Variants in KATNIP observed in about 807,000 individuals in gnomAD.
KATNIP encodes katanin interacting protein.
A neutral mutation model predicts 174.0 loss-of-function variants in KATNIP; 126 were observed. That is an observed-to-expected ratio of 0.72 (90% CI 0.63 to 0.84). KATNIP has a LOEUF of 0.84. Among genes scored for constraint, KATNIP ranks in the 40% least tolerant of loss-of-function variants. The pLI is 0.00. For synonymous variants in KATNIP, 810 were observed against 835.7 expected (o/e 0.97, Z 0.53); for missense variants, 1,958 against 2,109.7 (o/e 0.93, Z 1.41).
In KATNIP at chr16:27,708,796, G is replaced by T. The variant is rs1180959034; in HGVS notation, c.1481G>T (p.Gly494Val). ...AACTGGGGCAACTCGTGGTGGGTGG[G>T]TCTCACAGAAGTCGAGTTCTTTGAC... is the stretch of plus-strand genomic sequence containing the variant. ...LSNWGNSWWV[G>V]LTEVEFFDLN... is the part of the protein sequence containing the mutation. The change falls in exon 13 of 28, where the codon GGT becomes GTT. Residue 494 changes from glycine (G) to valine (V), a missense_variant. Gly to Val is a moderately radical substitution (Grantham distance 109, BLOSUM62 -3). Around this residue, in one of 3 missense-constraint regions of KATNIP, gnomAD observed 1,557 missense variants for 1,617.8 expected, o/e 0.96. Coordinates refer to ENST00000261588, the MANE Select transcript of KATNIP (RefSeq NM_015202.5). The T allele has an allele frequency of 6.2e-7, 1 of 1,613,972 alleles. No individual in the cohort carries two copies. Among genetic ancestry groups the T allele is most frequent in the South Asian group, 1.1e-5 (1 of 91,084 alleles).
chr16:27,648,055 G>A (rs2077009466), intron 5 of KATNIP, among the ~76,000 whole-genome samples: 1 of 152,144 alleles, frequency 6.6e-6, no homozygotes, highest in African/African-American at 2.4e-5. Context: ...AGCACTTGGG[G>A]AGGACGAGGT....
intron 2 of KATNIP, among the ~76,000 whole-genome samples, chr16:27,588,220 T>A (rs931151297): frequency 3.3e-5 from 5 of 152,008 alleles, no homozygotes; most frequent in African/African-American, 1.2e-4. Flanking sequence ...CTACATATAT[T>A]TCAGAAATAG....
chr16:27,631,112 C>T lies in KATNIP; in HGVS notation c.358C>T (p.Arg120Cys), dbSNP rs764586233. Residue 120 changes from arginine to cysteine, a missense_variant, in exon 5 of 28, where the codon CGC becomes TGC. Transcript: ENST00000261588. ...LFREAEEALR[R>C]SSRTAPSKVQ... ...TCGAGAAGCTGAAGAAGCCTTAAGA[C>T]GCAGTTCACGGACAGCCCCCAGTAA... The T allele has an allele frequency of 1.0e-5, 16 of 1,578,202 alleles. No homozygotes were observed. The highest frequency in any genetic ancestry group is 1.3e-5 in the African/African-American group (1 of 74,268).
intron 1 of KATNIP, among the ~76,000 whole-genome samples, chr16:27,558,557 T>C (rs1315158961): frequency 6.6e-6 from 1 of 152,230 alleles, no homozygotes; most frequent in Non-Finnish European, 1.5e-5. Context: ...TGGGAGTCCT[T>C]AGAAGATAAT....
chr16:27,648,803 C>T (rs1435508126), intron 6 of KATNIP, 68 bp downstream of exon 6: 1 of 1,535,934 alleles, frequency 6.5e-7, no homozygotes, highest in Non-Finnish European at 8.9e-7. Flanking sequence ...TGCAGTGGCC[C>T]CTCGGGGCAC....
At chr16:27,758,570 C>G (rs984389645) in intron 18 of KATNIP, among the ~76,000 whole-genome samples, 1 of 152,182 alleles carries the variant, frequency 6.6e-6, no homozygotes, top group Non-Finnish European at 1.5e-5. Context: ...ATCCAGGCTT[C>G]TCGATATGAT....
intron 6 of KATNIP, among the ~76,000 whole-genome samples, chr16:27,665,632 A>C: frequency 1.4e-5 from 2 of 147,686 alleles, no homozygotes; most frequent in South Asian, 2.1e-4. Flanking sequence ...GAGACAGGAC[A>C]CTCTTTCCCC....
At chr16:27,743,059 T>C (rs1157645642) in intron 15 of KATNIP, among the ~76,000 whole-genome samples, 1 of 152,222 alleles carries the variant, frequency 6.6e-6, no homozygotes, top group African/African-American at 2.4e-5. Flanking sequence ...CTTCCCTGTA[T>C]TCATGTGTTC....
intron 13 of KATNIP, 132 bp from the exon 14 acceptor site, chr16:27,721,426 G>A: frequency 9.7e-7 from 1 of 1,026,554 alleles, no homozygotes; most frequent in Non-Finnish European, 1.5e-6. Flanking sequence ...TGGCAACGGG[G>A]TGGCCTGGCT....
chr16:27,561,682 A>G (rs1477360324), intron 1 of KATNIP, among the ~76,000 whole-genome samples: 1 of 152,196 alleles, frequency 6.6e-6, no homozygotes, highest in Non-Finnish European at 1.5e-5. Flanking sequence ...TGAACCTGCA[A>G]TGCAGTGTGT....
At chr16:27,566,678 A>G (rs935601010) in intron 1 of KATNIP, among the ~76,000 whole-genome samples, 1 of 152,118 alleles carries the variant, frequency 6.6e-6, no homozygotes, top group African/African-American at 2.4e-5. Flanking sequence ...CGTTGGACTA[A>G]TGGGTTGCTA....
At chr16:27,707,450 C>T (rs1006610079) in intron 12 of KATNIP, among the ~76,000 whole-genome samples, 5 of 152,178 alleles carry the variant, frequency 3.3e-5, no homozygotes, top group Non-Finnish European at 7.4e-5. Context: ...GAAACAGACA[C>T]TTACAGAGCG....
Position 27,677,940 on chromosome 16 carries a change from G to A in KATNIP, c.752G>A (p.Arg251His), listed in dbSNP as rs775274156. Residue 251 changes from arginine (R) to histidine (H), a missense_variant, in exon 7 of 28, where the codon CGC becomes CAC. By Grantham distance (29) the Arg-to-His change is conservative. Around this residue, in one of 3 missense-constraint regions of KATNIP, gnomAD observed 1,557 missense variants for 1,617.8 expected, o/e 0.96. Coordinates refer to ENST00000261588, the MANE Select transcript of KATNIP (RefSeq NM_015202.5). The stretch of plus-strand genomic sequence containing the variant: ...CACGGGGAACAGGAGACAGAAGGAC[G>A]CTCTTCTCCAGGCCCAGACACCCTC... ...DVHGEQETEG[R>H]SSPGPDTLVV... The A allele has an allele frequency of 3.7e-5, 60 of 1,614,120 alleles. No homozygotes were observed. The highest frequency in any genetic ancestry group is 1.6e-4 in the Middle Eastern group (1 of 6,084).
chr16:27,583,392 C>G (rs1282157503), intron 2 of KATNIP, among the ~76,000 whole-genome samples: 1 of 152,172 alleles, frequency 6.6e-6, no homozygotes, highest in Non-Finnish European at 1.5e-5. Context: ...TACCTCCTCC[C>G]TCCACCCCCA....
intron 1 of KATNIP, among the ~76,000 whole-genome samples, chr16:27,560,925 T>A (rs765801953): frequency 2.5e-4 from 38 of 152,072 alleles, no homozygotes; most frequent in Admixed American, 7.9e-4. Flanking sequence ...TGCTGGACAT[T>A]CTCCATAAAG....
chr16:27,758,518 ACATAGAATC>A (rs2081822765), intron 18 of KATNIP, among the ~76,000 whole-genome samples: 1 of 152,158 alleles, frequency 6.6e-6, no homozygotes, highest in Non-Finnish European at 1.5e-5. Flanking sequence ...CCCTGCTTCA[ACATAGAATC>A]TGCCAGTAGC....
intron 2 of KATNIP, among the ~76,000 whole-genome samples, chr16:27,597,140 C>G (rs1030350997): frequency 6.6e-6 from 1 of 152,186 alleles, no homozygotes; most frequent in East Asian, 1.9e-4. Flanking sequence ...CTGCAGTGAG[C>G]CATGATCACA....
intron 23 of KATNIP, 145 bp from the exon 24 acceptor site, chr16:27,774,800 G>C: frequency 2.2e-6 from 2 of 897,680 alleles, no homozygotes; most frequent in Non-Finnish European, 3.4e-6. Context: ...CCCAGGACAC[G>C]TCCAATTCAG....
chr16:27,753,047 T>C (rs1283080205), intron 17 of KATNIP, among the ~76,000 whole-genome samples: 1 of 152,008 alleles, frequency 6.6e-6, no homozygotes, highest in Non-Finnish European at 1.5e-5. Flanking sequence ...CCCATGGTGT[T>C]CCCTGGGGAT....
Sources: allele counts gnomAD v4.1 joint callset (sites outside exome capture counted in the v4.1 genomes callset), GRCh38; gene constraint gnomAD v4.1.1; regional missense constraint gnomAD v4.1.1; transcripts MANE v1.5; gene names NCBI Gene and HGNC (gene_info 2026-07-23, HGNC 2026-07-21).